GSTA2: variants seen among roughly 807,000 people sequenced by gnomAD.
The protein encoded by GSTA2 is glutathione S-transferase alpha 2, also known as glutathione S-transferase A2.
GSTA2 carries 27 observed loss-of-function variants against 22.4 expected under a neutral mutation model. The ratio of observed to expected loss-of-function variants is 1.21; its 90% CI spans 0.89 to 1.67. The LOEUF (loss-of-function observed/expected upper bound fraction) is 1.67, where lower values mean the gene tolerates loss of function less well. GSTA2 is among the 40% of genes most tolerant of loss of function. The pLI, the probability that GSTA2 is intolerant of heterozygous loss-of-function variation, is 0.00. For synonymous variants in GSTA2, 121 were observed against 86.8 expected (o/e 1.39, Z -2.19); for missense variants, 302 against 260.2 (o/e 1.16, Z -1.11).
At position 52,751,659 on chromosome 6, in the gene GSTA2, C is replaced by T. The variant is rs139588545; in HGVS notation, c.464G>A (p.Arg155Gln). The change falls in exon 6 of 7, where the codon CGG becomes CAG. Residue 155 changes from arginine to glutamine, a missense_variant. Arg to Gln is a conservative substitution (Grantham distance 43). Transcript: ENST00000493422. Reference protein sequence around the residue: ...QDYLVGNKLSRADIHLVELLY... With the variant: ...QDYLVGNKLSQADIHLVELLY... ...AAGTTCCACCAGGTGAATGTCAGCC[C>T]GGCTCAGCTTGTTGCCAACAAGGTA... The T allele has an allele frequency of 6.6e-3, 10,586 of 1,614,128 alleles. 57 individuals are homozygous for T. Among genetic ancestry groups the T allele is most frequent in the Non-Finnish European group, 7.7e-3 (9,082 of 1,179,998 alleles).
chr6:52,760,622 G>A (rs2127290841), intron 1 of GSTA2, among the ~76,000 whole-genome samples: 1 of 152,302 alleles, frequency 6.6e-6, no homozygotes, highest in East Asian at 1.9e-4. Flanking sequence ...ACTTCTGATT[G>A]CAGGTCCGGA....
intron 1 of GSTA2, among the ~76,000 whole-genome samples, chr6:52,759,576 T>TTTTTTG: frequency 1.7e-5 from 2 of 116,150 alleles, no homozygotes; most frequent in Admixed American, 8.7e-5. Context: ...TTTTTTTTTT[T>TTTTTTG]TTTTTTTTTT....
At chr6:52,759,780 C>T (rs566414101) in intron 1 of GSTA2, among the ~76,000 whole-genome samples, 110 of 151,806 alleles carry the variant, frequency 7.2e-4, no homozygotes, top group African/African-American at 2.6e-3. Context: ...GACAGGGTTT[C>T]AGCATGTTGG....
intron 4 of GSTA2, among the ~76,000 whole-genome samples, chr6:52,753,853 C>G (rs1014658125): frequency 9.2e-5 from 14 of 152,178 alleles, no homozygotes; most frequent in Non-Finnish European, 2.1e-4. Context: ...GACATCTGTA[C>G]CATTAGCGGT....
Position 52,757,938 on chromosome 6 carries a change from T to C in GSTA2, c.10A>G (p.Lys4Glu). MAE[K>E]PKLHYSNIRG... ...ATATTGGAGTAGTGGAGCTTGGGCT[T>C]CTCTGCCATGGTAGCAGTCTCCTGG... The change falls in exon 2 of 7, where the codon AAG (lysine) becomes GAG (glutamate). Residue 4 changes from lysine to glutamate, a missense_variant. By Grantham distance (56) the Lys-to-Glu change is moderately conservative. Coordinates refer to ENST00000493422, the MANE Select transcript of GSTA2 (RefSeq NM_000846.5). The C allele has an allele frequency of 6.2e-7, 1 of 1,613,152 alleles. No individual in the cohort carries two copies.
chr6:52,756,452 C>T (rs956760539), intron 2 of GSTA2, 143 bp from the exon 3 acceptor site: 62 of 632,084 alleles, frequency 9.8e-5, no homozygotes, highest in Middle Eastern at 7.9e-4. Flanking sequence ...CTAGTCATGG[C>T]CATTTGGAAA....
intron 6 of GSTA2, 58 bp from the exon 7 acceptor site, chr6:52,750,757 T>C: frequency 6.3e-7 from 1 of 1,595,090 alleles, no homozygotes; most frequent in Non-Finnish European, 8.5e-7. Flanking sequence ...GACACCCCCA[T>C]TAACATGACC....
intron 5 of GSTA2, among the ~76,000 whole-genome samples, chr6:52,752,447 G>A (rs1333989806): frequency 6.6e-6 from 1 of 152,152 alleles, no homozygotes; most frequent in African/African-American, 2.4e-5. Context: ...TGGGCAATTG[G>A]TCTCCTGTCT....
At chr6:52,753,987 C>G (rs1372156542) in intron 4 of GSTA2, among the ~76,000 whole-genome samples, 1 of 152,176 alleles carries the variant, frequency 6.6e-6, no homozygotes, top group African/African-American at 2.4e-5. Context: ...ATGTGGCCTT[C>G]TGTGTCTCGT....
chr6:52,751,604 G>C lies in GSTA2; in HGVS notation c.519C>G (p.Ser173Arg), dbSNP rs1393603273. The change falls in exon 6 of 7, where the codon AGC becomes AGG. Residue 173 changes from serine (S) to arginine (R), a missense_variant. Transcript: ENST00000493422. Reference protein sequence around the residue: ...LLYYVEELDSSLISSFPLLKA... With the variant: ...LLYYVEELDSRLISSFPLLKA... The stretch of plus-strand genomic sequence containing the variant: ...TCAGCAGAGGGAAGCTGGAAATAAG[G>C]CTAGAGTCAAGCTCTTCCACGTAGT... 13 of 1,613,990 alleles carry C rather than the reference G, an allele frequency of 8.1e-6. No homozygotes were observed. Among genetic ancestry groups the C allele is most frequent in the Non-Finnish European group, 1.0e-5 (12 of 1,180,004 alleles).
chr6:52,755,188 TG>T, intron 3 of GSTA2, 113 bp from the exon 4 acceptor site: 1 of 1,350,132 alleles, frequency 7.4e-7, no homozygotes, highest in Non-Finnish European at 1.0e-6. Context: ...AAGAAATTAC[TG>T]CCTGGTAAGA....
chr6:52,755,559 A>G (rs1178465412), intron 3 of GSTA2, among the ~76,000 whole-genome samples: 2 of 152,138 alleles, frequency 1.3e-5, no homozygotes, highest in Non-Finnish European at 2.9e-5. Flanking sequence ...TTTCTTAAGA[A>G]GTTTCCTTTT....
At chr6:52,754,094 T>C (rs568263473) in intron 4 of GSTA2, among the ~76,000 whole-genome samples, 1 of 152,392 alleles carries the variant, frequency 6.6e-6, no homozygotes, top group South Asian at 2.1e-4. Context: ...ATTGCATGGC[T>C]AAGGCGCATT....
chr6:52,761,955 C>A (rs982547777), intron 1 of GSTA2, among the ~76,000 whole-genome samples: 1 of 150,752 alleles, frequency 6.6e-6, no homozygotes, highest in Non-Finnish European at 1.5e-5. Context: ...TAATCTGTAA[C>A]CCTACCCCCA....
In GSTA2 at chr6:52,755,151, T is replaced by C. The variant is rs572456177; in HGVS notation, c.140-76A>G. 1.6e-5 allele frequency: 25 copies of C among 1,575,330 alleles called. No individual in the cohort carries two copies. In the East Asian group the frequency reaches 4.3e-4, roughly 27 times the overall value. ...TTTCAGGATGAAAAAAAATGGTTGT[T>C]GAAATGACTAAATTTGTAAAACGAA... On this transcript the variant is annotated intron_variant, in intron 3 of 6. Coordinates refer to ENST00000493422, the MANE Select transcript of GSTA2 (RefSeq NM_000846.5).
At chr6:52,752,474 A>G (rs1260100017) in intron 5 of GSTA2, among the ~76,000 whole-genome samples, 4 of 152,214 alleles carry the variant, frequency 2.6e-5, no homozygotes, top group Non-Finnish European at 5.9e-5. Context: ...ATATGGTGCC[A>G]GAATGTTTTC....
At chr6:52,760,684 G>C (rs1194454914) in intron 1 of GSTA2, among the ~76,000 whole-genome samples, 2 of 152,150 alleles carry the variant, frequency 1.3e-5, no homozygotes, top group African/African-American at 4.8e-5. Context: ...CTGAGAAGTT[G>C]TTTTGTATTT....
rs142983962 is a variant in GSTA2, at chr6:52,752,869, G to C, written c.399C>G (p.Phe133Leu). The change falls in exon 5 of 7, where the codon TTC (phenylalanine) becomes TTG (leucine). Residue 133 changes from phenylalanine to leucine, a missense_variant. Phe to Leu is a conservative substitution (Grantham distance 22). Transcript: ENST00000493422. ...CTTCACTTACTTTTTCAAAGGCAGG[G>C]AAGTAGCGATTTTTTGTTTTCTCTT... ...LIQEKTKNRYFPAFEKVLKSH... is the reference protein window; with the variant it reads ...LIQEKTKNRYLPAFEKVLKSH... The C allele has an allele frequency of 2.2e-5, 35 of 1,613,950 alleles. No individual in the cohort carries two copies. In the African/African-American group the frequency reaches 4.5e-4, roughly 21 times the overall value.
rs758343016 is a variant in GSTA2, at chr6:52,757,890, G to A, written c.58C>T (p.Arg20Trp). ...ACTCCAGCTGCAGCCAGGAGCCACCGGATGGACTCCATTCTGCCCCGTATA... is the reference window on the plus strand; with the variant it reads ...ACTCCAGCTGCAGCCAGGAGCCACCAGATGGACTCCATTCTGCCCCGTATA... ...SNIRGRMESI[R>W]WLLAAAGVEF... The change falls in exon 2 of 7, where the codon CGG becomes TGG. Residue 20 changes from arginine to tryptophan, a missense_variant. Physicochemically the swap from Arg to Trp is moderately radical, Grantham distance 101. Transcript: ENST00000493422. The A allele has an allele frequency of 2.1e-5, 34 of 1,613,568 alleles. No homozygotes were observed. Among genetic ancestry groups the A allele is most frequent in the South Asian group, 6.6e-5 (6 of 91,074 alleles).
Sources: allele counts gnomAD v4.1 joint callset (sites outside exome capture counted in the v4.1 genomes callset), GRCh38; gene constraint gnomAD v4.1.1; transcripts MANE v1.5; gene names NCBI Gene and HGNC (gene_info 2026-07-23, HGNC 2026-07-21).